Variants in GRHL3 observed in about 807,000 individuals in gnomAD.
GRHL3 encodes the protein grainyhead like transcription factor 3, also known as grainyhead-like protein 3 homolog.
GRHL3 carries 20 observed loss-of-function variants against 70.3 expected under a neutral mutation model. The observed-to-expected ratio is 0.28, with a 90% confidence interval of 0.20 to 0.41. The LOEUF is 0.41. Among genes scored for constraint, GRHL3 ranks in the 10% least tolerant of loss-of-function variants. GRHL3 has a pLI of 1.00. For synonymous variants in GRHL3, 299 were observed against 299.9 expected, an observed-to-expected ratio of 1.00 and a Z score of 0.03; for missense variants, 637 against 762.3, an observed-to-expected ratio of 0.84 and a Z score of 1.94.
chr1:24,331,975 T>C (rs1639632118), intron 2 of GRHL3, among the ~76,000 whole-genome samples: 1 of 152,170 alleles, frequency 6.6e-6, no homozygotes, highest in Admixed American at 6.5e-5. Flanking sequence ...TTACTGAGTC[T>C]TCAGCACACC....
chr1:24,319,659 G>C (rs1435966267), intron 1 of GRHL3, 91 bp downstream of exon 1: 1 of 1,609,826 alleles, frequency 6.2e-7, no homozygotes, highest in Non-Finnish European at 8.5e-7. Context: ...GGCCGGCACC[G>C]GGATTCACAG....
intron 15 of GRHL3, chr1:24,361,166 G>C: frequency 1.2e-6 from 1 of 808,338 alleles, no homozygotes; most frequent in Non-Finnish European, 1.9e-6. Flanking sequence ...ACGGCACTGG[G>C]GCAGAGCCCT....
At chr1:24,337,214 C>A in intron 5 of GRHL3, 63 bp downstream of exon 5, 1 of 1,142,090 alleles carries the variant, frequency 8.8e-7, no homozygotes, top group Non-Finnish European at 1.3e-6. Context: ...CAGACAGAGC[C>A]CCACACTGTC....
intron 1 of GRHL3, among the ~76,000 whole-genome samples, chr1:24,326,616 C>T (rs777060568): frequency 2.0e-5 from 3 of 152,100 alleles, no homozygotes; most frequent in Non-Finnish European, 2.9e-5. Flanking sequence ...TCTTATTCTC[C>T]CAGGACAGGT....
intron 13 of GRHL3, among the ~76,000 whole-genome samples, chr1:24,347,039 G>T (rs962017068): frequency 6.6e-6 from 1 of 152,188 alleles, no homozygotes. Context: ...CCAAACCTCT[G>T]GGGGCTGTAG....
chr1:24,349,367 G>A (rs188071566), intron 14 of GRHL3, among the ~76,000 whole-genome samples: 98 of 152,338 alleles, frequency 6.4e-4, no homozygotes, highest in Non-Finnish European at 1.2e-3. Context: ...CCGCATGCTC[G>A]CCCAACAAAT....
chr1:24,342,686 C>T lies in GRHL3; in HGVS notation c.1207-8C>T, dbSNP rs368002933. On this transcript the variant is annotated splice_polypyrimidine_tract_variant and splice_region_variant and intron_variant, in intron 9 of 15. Coordinates refer to ENST00000361548, the MANE Select transcript of GRHL3 (RefSeq NM_198173.3). This position sits in a 1 kb window ranked among gnomAD's most constrained non-coding sequence, Gnocchi z 4.8. ...CCCTTGGTGACCCTCTCTCCTTCTC[C>T]CCTGCAGGGAGCTGAGAGGAAGATG... is the stretch of plus-strand genomic sequence containing the variant. 4.6e-5 allele frequency: 74 copies of T among 1,613,936 alleles called. No homozygotes were observed. In the African/African-American group the frequency reaches 8.1e-4, roughly 18 times the overall value.
chr1:24,357,384 GCTGGAAGGTGGCGC>G (rs1640793187), downstream of GRHL3: 10 of 152,404 alleles, frequency 6.6e-5, no homozygotes, highest in Non-Finnish European at 1.0e-4. Flanking sequence ...CAGTTAGGAA[GCTGGAAGGTGGCGC>G]TTCTCAACCT....
chr1:24,337,780 C>T lies in GRHL3; in HGVS notation c.831C>T (p.Asn277=), dbSNP rs1185056931. ...GCAAAGGCCTTGCCTTGTCCTCCAA[C>T]AAAGTCAAGGTGCGTTGGCCTGGAG... ...AGGKGLALSS[N]KVKSVVMVVF... The change falls in exon 6 of 16, where the codon AAC becomes AAT. Residue 277 remains asparagine, a synonymous_variant. Coordinates refer to ENST00000361548, the MANE Select transcript of GRHL3 (RefSeq NM_198173.3). The T allele has an allele frequency of 6.2e-6, 10 of 1,614,200 alleles. No individual in the cohort carries two copies. Among genetic ancestry groups the T allele is most frequent in the Non-Finnish European group, 8.5e-6 (10 of 1,180,024 alleles).
chr1:24,359,439 G>A (rs931320639), downstream of GRHL3, among the ~76,000 whole-genome samples: 1 of 152,220 alleles, frequency 6.6e-6, no homozygotes, highest in Non-Finnish European at 1.5e-5. This position sits in a 1 kb window ranked among gnomAD's most constrained non-coding sequence, Gnocchi z 5.3. Context: ...GCAATGCTGA[G>A]TTCTCCTCGA....
chr1:24,353,810 C>G (rs938948442), intron 15 of GRHL3, among the ~76,000 whole-genome samples: 1 of 152,150 alleles, frequency 6.6e-6, no homozygotes, highest in Non-Finnish European at 1.5e-5. Flanking sequence ...GACCCAGGTC[C>G]TTGCCTGGAG....
intron 15 of GRHL3, among the ~76,000 whole-genome samples, chr1:24,362,801 G>A (rs1641209144): frequency 6.6e-6 from 1 of 152,232 alleles, no homozygotes; most frequent in African/African-American, 2.4e-5. Context: ...TCTTGTGGTG[G>A]AGGAGCAGCT....
At chr1:24,319,807 AG>A (rs1639111259) in intron 1 of GRHL3, 1 of 1,297,460 alleles carries the variant, frequency 7.7e-7, no homozygotes, top group Non-Finnish European at 1.0e-6. Flanking sequence ...GTTTCGAGCC[AG>A]GCAGGGAAAC....
chr1:24,341,721 A>C (rs1640047363), intron 8 of GRHL3, among the ~76,000 whole-genome samples: 1 of 151,568 alleles, frequency 6.6e-6, no homozygotes, highest in South Asian at 2.1e-4. Context: ...GCCCTTTTCC[A>C]CCTCCTTGTC....
chr1:24,333,043 G>C (rs558002277), intron 2 of GRHL3, among the ~76,000 whole-genome samples: 23 of 152,330 alleles, frequency 1.5e-4, no homozygotes, highest in Admixed American at 1.0e-3. Flanking sequence ...TATAGGTTGA[G>C]GATCGACCAT....
At chr1:24,349,763 T>A (rs560641014) in intron 14 of GRHL3, among the ~76,000 whole-genome samples, 1 of 152,314 alleles carries the variant, frequency 6.6e-6, no homozygotes, top group East Asian at 1.9e-4. Flanking sequence ...TAGGAAGGCT[T>A]ATACTAGGAT....
rs1201778679 is a variant in GRHL3 at position 24,349,932 on chromosome 1, A to G, written c.1630-126A>G. On this transcript the variant is annotated intron_variant, in intron 14 of 15. Coordinates refer to ENST00000361548, the MANE Select transcript of GRHL3 (RefSeq NM_198173.3). ...ATAGATGATTGTAATTTTCTTCTTC[A>G]TATTTGCCCACAATATGCATATGTT... 7.7e-6 allele frequency: 5 copies of G among 645,168 alleles called. No homozygotes were observed. In the East Asian group the frequency reaches 8.3e-5, roughly 11 times the overall value. 40.0% of individuals were successfully genotyped at this position (645,168 alleles called of 1,614,324 possible).
At chr1:24,329,457 C>T (rs2148650352) in intron 1 of GRHL3, among the ~76,000 whole-genome samples, 1 of 152,350 alleles carries the variant, frequency 6.6e-6, no homozygotes, top group Admixed American at 6.5e-5. Context: ...ATAAAGACTG[C>T]ACCCCTGCAT....
In GRHL3 at chr1:24,348,791, C is replaced by T. The variant is rs187697375; in HGVS notation, c.1629+1238C>T. On this transcript the variant is annotated intron_variant, in intron 14 of 15. Coordinates refer to ENST00000361548, the MANE Select transcript of GRHL3 (RefSeq NM_198173.3). Reference sequence around the variant, plus strand: ...TCACATCATCATTAAAAGAAATAGTCGTCTAAGAACTCTCTTGCCAGGAGG... The same window carrying T: ...TCACATCATCATTAAAAGAAATAGTTGTCTAAGAACTCTCTTGCCAGGAGG... Among the ~76,000 whole-genome samples the T allele has an allele frequency of 9.6e-4, 146 of 152,282 alleles. 1 individual carries two copies. In the South Asian group the frequency reaches 0.016, roughly 17 times the overall value.
Sources: allele counts gnomAD v4.1 joint callset (sites outside exome capture counted in the v4.1 genomes callset), GRCh38; gene constraint gnomAD v4.1.1; non-coding constraint Gnocchi (gnomAD v3.1); transcripts MANE v1.5; gene names NCBI Gene and HGNC (gene_info 2026-07-23, HGNC 2026-07-21).